CLEC4D: variants seen among roughly 807,000 people sequenced by gnomAD.
CLEC4D encodes the protein C-type lectin domain family 4 member D, also known as C-type (calcium dependent, carbohydrate-recognition domain) lectin, superfamily member 8.
In CLEC4D, 21 loss-of-function variants were observed where a neutral mutation model predicts 21.1. The observed-to-expected ratio is 1.00, with a 90% CI of 0.71 to 1.43. The LOEUF is 1.43. Among genes scored for constraint, CLEC4D ranks in the 40% most tolerant of loss-of-function variants. CLEC4D has a pLI of 0.00. For missense variants in CLEC4D, 289 were observed against 260.7 expected (o/e 1.11, Z -0.75); for synonymous variants, 85 against 83.1 (o/e 1.02, Z -0.12).
chr12:8,525,972 C>T (rs982906409), downstream of CLEC4D, among the ~76,000 whole-genome samples: 1 of 152,134 alleles, frequency 6.6e-6, no homozygotes, highest in Non-Finnish European at 1.5e-5. Context: ...ATATGAAATT[C>T]CAGGTTGAAA....
At chr12:8,526,152 T>A (rs1016123074), downstream of CLEC4D, among the ~76,000 whole-genome samples, 1 of 152,272 alleles carries the variant, frequency 6.6e-6, no homozygotes, top group East Asian at 1.9e-4. Context: ...GAGAATCTGA[T>A]GATTATGTGT....
chr12:8,516,261 A>C (rs186676741), intron 2 of CLEC4D, among the ~76,000 whole-genome samples: 1 of 152,200 alleles, frequency 6.6e-6, no homozygotes, highest in Non-Finnish European at 1.5e-5. Context: ...AACATTGACA[A>C]ATTATACTAC....
chr12:8,528,473 T>A, the CLEC4D span, among the ~76,000 whole-genome samples: 1 of 152,236 alleles, frequency 6.6e-6, no homozygotes, highest in African/African-American at 2.4e-5. Flanking sequence ...TATCCTGTTA[T>A]AAGCAGCAGA....
At chr12:8,520,991 A>G in intron 5 of CLEC4D, 133 bp from the exon 6 acceptor site, 1 of 1,147,264 alleles carries the variant, frequency 8.7e-7, no homozygotes, top group Non-Finnish European at 1.2e-6. Context: ...GTATAGTATT[A>G]GTGCAGTTCT....
chr12:8,524,340 T>TTG (rs201841750), downstream of CLEC4D, among the ~76,000 whole-genome samples: 140 of 98,608 alleles, frequency 1.4e-3, 1 homozygote, highest in African/African-American at 5.2e-3. Flanking sequence ...GCTTTTTTTT[T>TTG]TTGTTTGGTA....
downstream of CLEC4D, among the ~76,000 whole-genome samples, chr12:8,525,676 G>A (rs903204715): frequency 5.3e-5 from 8 of 152,036 alleles, no homozygotes; most frequent in African/African-American, 1.9e-4. Context: ...TGGGGTATTT[G>A]CCCATTTACG....
intron 4 of CLEC4D, 97 bp downstream of exon 4, chr12:8,519,257 A>G (rs1591720248): frequency 1.4e-6 from 2 of 1,420,026 alleles, no homozygotes; most frequent in African/African-American, 2.9e-5. Context: ...GTCTGTTTTC[A>G]TCTGCTCCAT....
chr12:8,527,779 T>A, the CLEC4D span, among the ~76,000 whole-genome samples: 1 of 151,816 alleles, frequency 6.6e-6, no homozygotes, highest in African/African-American at 2.4e-5. Context: ...TGAGAGCCGG[T>A]GAGAGTCGCG....
intron 4 of CLEC4D, among the ~76,000 whole-genome samples, 164 bp from the exon 5 acceptor site, chr12:8,520,062 T>C (rs1940438361): frequency 6.6e-6 from 1 of 152,210 alleles, no homozygotes; most frequent in African/African-American, 2.4e-5. Context: ...TTTGGTAAGA[T>C]TGAAGCACTT....
intron 3 of CLEC4D, 125 bp downstream of exon 3, chr12:8,518,399 G>C: frequency 1.7e-6 from 1 of 574,024 alleles, no homozygotes; most frequent in Non-Finnish European, 3.2e-6. Flanking sequence ...TCTGGCATCG[G>C]AGTAAATAAG....
At chr12:8,526,903 G>A (rs997901130), downstream of CLEC4D, among the ~76,000 whole-genome samples, 1 of 152,108 alleles carries the variant, frequency 6.6e-6, no homozygotes. Flanking sequence ...TGTTGATGCT[G>A]TTGTTGTCAC....
the CLEC4D span, among the ~76,000 whole-genome samples, chr12:8,528,910 G>A: frequency 6.6e-6 from 1 of 151,268 alleles, no homozygotes; most frequent in Admixed American, 6.6e-5. Context: ...TTACATACAT[G>A]TTATATACTA....
chr12:8,521,315 C>A lies in CLEC4D; in HGVS notation c.*44C>A, dbSNP rs1565492839. ...TTGTGATGGAAAGAGAAAAGAAAAA[C>A]CAATTAGAATAAGGCAGAATGTACG... On this transcript the variant is annotated 3_prime_UTR_variant, in exon 6 of 6. Coordinates refer to ENST00000299665, the MANE Select transcript of CLEC4D (RefSeq NM_080387.5). 1.9e-6 allele frequency: 3 copies of A among 1,582,352 alleles called. No individual in the cohort carries two copies. Among genetic ancestry groups the A allele is most frequent in the Non-Finnish European group, 2.6e-6 (3 of 1,168,088 alleles).
the CLEC4D span, among the ~76,000 whole-genome samples, chr12:8,529,027 C>A: frequency 0.03 from 4,488 of 152,068 alleles, 237 homozygotes; most frequent in African/African-American, 0.1. Flanking sequence ...TGATTTATAT[C>A]TTGTTCTTAT....
intron 2 of CLEC4D, 29 bp downstream of exon 2, chr12:8,515,357 C>A: frequency 1.0e-6 from 1 of 986,548 alleles, no homozygotes; most frequent in Non-Finnish European, 1.6e-6. Flanking sequence ...TAGAACTCTT[C>A]TTGAATTATT....
chr12:8,518,250 A>G lies in CLEC4D; in HGVS notation c.208A>G (p.Lys70Glu). 7.7e-7 allele frequency: 1 copy of G among 1,298,388 alleles called. No individual in the cohort carries two copies. The highest frequency in any genetic ancestry group is 1.1e-6 in the Non-Finnish European group (1 of 892,770). The allele number at this position is 1,298,388 out of a possible 1,614,324, so 80.4% of individuals were successfully genotyped here. A position where few individuals can be genotyped will look rare whatever the true frequency, so the allele number is the denominator to read the frequency against. The change falls in exon 3 of 6, where the codon AAA becomes GAA. Residue 70 changes from lysine (K) to glutamate (E), a missense_variant. Transcript: ENST00000299665. ...TGCAAAGCTCAAATGCATCAAAGAG[A>G]AATCAGAACTGAAAAGTGCTGAAGG... Reference protein sequence around the residue: ...HHAKLKCIKEKSELKSAEGST... With the variant: ...HHAKLKCIKEESELKSAEGST...
In CLEC4D at chr12:8,513,598, T is replaced by C. The variant is rs1381680998; in HGVS notation, c.-135T>C. ...TATACTGGTACCTTTCTAATCTCACTACAATATGTAACATTGGTGTTCGAT... is the reference window on the plus strand; with the variant it reads ...TATACTGGTACCTTTCTAATCTCACCACAATATGTAACATTGGTGTTCGAT... On this transcript the variant is annotated 5_prime_UTR_variant, in exon 1 of 6. Coordinates refer to ENST00000299665, the MANE Select transcript of CLEC4D (RefSeq NM_080387.5). The C allele has an allele frequency of 1.8e-6, 1 of 543,482 alleles. No homozygotes were observed. Among genetic ancestry groups the C allele is most frequent in the African/African-American group, 1.9e-5 (1 of 52,740 alleles). The allele number at this position is 543,482 out of a possible 1,614,324, so 33.7% of individuals were successfully genotyped here. A position where few individuals can be genotyped will look rare whatever the true frequency, so the allele number is the denominator to read the frequency against.
chr12:8,530,459 CAAAA>C, the CLEC4D span, among the ~76,000 whole-genome samples: 3 of 87,362 alleles, frequency 3.4e-5, no homozygotes, highest in Admixed American at 1.3e-4. Context: ...ATCAAGAAAG[CAAAA>C]AAAAAAAAAA....
chr12:8,531,577 T>C, the CLEC4D span, among the ~76,000 whole-genome samples: 2 of 152,200 alleles, frequency 1.3e-5, no homozygotes, highest in African/African-American at 4.8e-5. Context: ...ATGTGCTAAT[T>C]ACCCTGATTT....
Sources: gnomAD v4.1 joint callset for allele counts (sites outside exome capture counted in the v4.1 genomes callset) on GRCh38, gnomAD v4.1.1 for gene constraint, MANE v1.5 for transcripts, NCBI Gene and HGNC (gene_info 2026-07-23, HGNC 2026-07-21) for gene names.